The following DPP10 variants were observed in gnomAD, a reference collection of about 807,000 sequenced individuals.
DPP10 encodes inactive dipeptidyl peptidase 10.
A neutral mutation model predicts 120.9 loss-of-function variants in DPP10; 33 were observed. That is an observed-to-expected ratio of 0.27 (90% CI 0.21 to 0.37). DPP10 has a LOEUF of 0.37. Among genes scored for constraint, DPP10 ranks in the 10% least tolerant of loss-of-function variants. DPP10 has a pLI of 1.00. For missense variants in DPP10, 816 were observed against 942.8 expected, an observed-to-expected ratio of 0.87 and a Z score of 1.76; for synonymous variants, 337 against 326.1, an observed-to-expected ratio of 1.03 and a Z score of -0.36.
intron 3 of DPP10, among the ~76,000 whole-genome samples, chr2:115,395,705 C>T (rs532311656): frequency 2.0e-5 from 3 of 152,120 alleles, no homozygotes; most frequent in African/African-American, 7.2e-5. Context: ...AAAATGTTTT[C>T]AATAGATGAA....
At chr2:114,548,180 C>T (rs1008249408) in intron 1 of DPP10, among the ~76,000 whole-genome samples, 1 of 152,148 alleles carries the variant, frequency 6.6e-6, no homozygotes, top group Middle Eastern at 3.2e-3. Flanking sequence ...ACAGAGGCAT[C>T]TATTATTACC....
chr2:115,634,304 C>A (rs2086141495), intron 5 of DPP10, among the ~76,000 whole-genome samples: 3 of 152,154 alleles, frequency 2.0e-5, no homozygotes. Context: ...GAGTTTTCAA[C>A]ATTTTTTCAT....
chr2:114,622,011 C>T (rs1030793327), intron 1 of DPP10, among the ~76,000 whole-genome samples: 3 of 151,906 alleles, frequency 2.0e-5, no homozygotes, highest in Non-Finnish European at 4.4e-5. Flanking sequence ...GGCATTTACA[C>T]ATTCAGCATA....
At chr2:115,615,049 C>A (rs1397699560) in intron 5 of DPP10, among the ~76,000 whole-genome samples, 1 of 152,038 alleles carries the variant, frequency 6.6e-6, no homozygotes, top group Non-Finnish European at 1.5e-5. Flanking sequence ...TGATTACAAG[C>A]CAACAAAATA....
intron 5 of DPP10, among the ~76,000 whole-genome samples, chr2:115,617,516 C>T (rs2084614071): frequency 6.6e-6 from 1 of 150,992 alleles, no homozygotes; most frequent in African/African-American, 2.4e-5. Context: ...AGACAGTAGC[C>T]CTATAAGATT....
At chr2:115,353,446 A>G (rs1166926048) in intron 3 of DPP10, among the ~76,000 whole-genome samples, 1 of 152,152 alleles carries the variant, frequency 6.6e-6, no homozygotes, top group African/African-American at 2.4e-5. Flanking sequence ...TGTAATTGTT[A>G]TACTTTGATC....
chr2:114,560,308 TACCA>T (rs1428930057), intron 1 of DPP10, among the ~76,000 whole-genome samples: 1 of 152,158 alleles, frequency 6.6e-6, no homozygotes, highest in Non-Finnish European at 1.5e-5. Flanking sequence ...TGAGGTTTCT[TACCA>T]CTATAATTTT....
chr2:114,936,593 C>T (rs1205804447), intron 1 of DPP10, among the ~76,000 whole-genome samples: 1 of 152,054 alleles, frequency 6.6e-6, no homozygotes, highest in Non-Finnish European at 1.5e-5. Flanking sequence ...CCTCCTTCCT[C>T]TGGGTAGAAA....
chr2:115,786,409 A>G (rs150747280), intron 17 of DPP10, among the ~76,000 whole-genome samples: 7 of 152,320 alleles, frequency 4.6e-5, no homozygotes, highest in East Asian at 1.9e-4. Context: ...TTTGGATTCA[A>G]TCATATTTGT....
intron 1 of DPP10, among the ~76,000 whole-genome samples, chr2:114,802,390 T>C (rs2106286381): frequency 6.6e-6 from 1 of 152,374 alleles, no homozygotes; most frequent in South Asian, 2.1e-4. Flanking sequence ...CCTGGCATTC[T>C]GGTAGATCGG....
At chr2:114,560,852 T>C (rs953945594) in intron 1 of DPP10, among the ~76,000 whole-genome samples, 4 of 152,256 alleles carry the variant, frequency 2.6e-5, no homozygotes, top group Non-Finnish European at 4.4e-5. Context: ...CACAAGCGTA[T>C]GTTTGATTCA....
intron 5 of DPP10, among the ~76,000 whole-genome samples, chr2:115,630,218 G>C (rs1204075783): frequency 1.3e-5 from 2 of 152,052 alleles, no homozygotes; most frequent in Non-Finnish European, 2.9e-5. Context: ...TCTATTATTA[G>C]TGTATAGGAA....
intron 3 of DPP10, among the ~76,000 whole-genome samples, chr2:115,396,852 C>A (rs1390761135): frequency 2.0e-5 from 3 of 151,976 alleles, no homozygotes; most frequent in East Asian, 3.9e-4. Context: ...GAAAAACGAA[C>A]CAAGGAAACT....
At chr2:114,504,598 C>T (rs564582842) in intron 1 of DPP10, among the ~76,000 whole-genome samples, 1 of 152,058 alleles carries the variant, frequency 6.6e-6, no homozygotes, top group East Asian at 1.9e-4. Flanking sequence ...TAATTTCTAC[C>T]TGTATAATAA....
At chr2:115,507,906 G>A (rs2077030247) in intron 4 of DPP10, among the ~76,000 whole-genome samples, 1 of 152,150 alleles carries the variant, frequency 6.6e-6, no homozygotes, top group African/African-American at 2.4e-5. Context: ...AAGGTAAAAA[G>A]TAGGTGGGTG....
chr2:114,849,994 A>ATCCCC (rs1335996830), intron 1 of DPP10, among the ~76,000 whole-genome samples: 4 of 54,572 alleles, frequency 7.3e-5, no homozygotes, highest in South Asian at 7.5e-4. Context: ...TCTCCTCCCC[A>ATCCCC]TCCCCTCCCC....
At chr2:114,515,136 C>T (rs1346763) in intron 1 of DPP10, among the ~76,000 whole-genome samples, 56,999 of 151,934 alleles carry the variant, frequency 0.38, 11,446 homozygotes, top group Admixed American at 0.5. Flanking sequence ...CATTTATCAC[C>T]AAGACAATTT....
chr2:115,697,286 A>C (rs987640888), intron 7 of DPP10, among the ~76,000 whole-genome samples: 1 of 152,038 alleles, frequency 6.6e-6, no homozygotes, highest in Non-Finnish European at 1.5e-5. Context: ...GAAACTAAGA[A>C]GATAAGTTTT....
chr2:114,506,300 T>C (rs1268380285), intron 1 of DPP10, among the ~76,000 whole-genome samples: 1 of 152,338 alleles, frequency 6.6e-6, no homozygotes, highest in African/African-American at 2.4e-5. Context: ...GACAGCTTGA[T>C]GGCATAGCTT....
Sources: gnomAD v4.1 joint callset for allele counts (sites outside exome capture counted in the v4.1 genomes callset) on GRCh38, gnomAD v4.1.1 for gene constraint, MANE v1.5 for transcripts, NCBI Gene and HGNC (gene_info 2026-07-23, HGNC 2026-07-21) for gene names.